CIB4: variants seen among roughly 807,000 people sequenced by gnomAD.
The protein encoded by CIB4 is calcium and integrin-binding family member 4.
In CIB4, 25 loss-of-function variants were observed where a neutral mutation model predicts 25.8. The ratio of observed to expected loss-of-function variants is 0.97; its 90% CI spans 0.71 to 1.35. CIB4 has a LOEUF of 1.35. CIB4 is among the 40% of genes most tolerant of loss of function. CIB4 has a pLI of 0.00. For missense variants in CIB4, 235 were observed against 228.2 expected (o/e 1.03, Z -0.19); for synonymous variants, 75 against 81.4 (o/e 0.92, Z 0.42).
chr2:26,612,049 A>G (rs1385774342), intron 3 of CIB4, among the ~76,000 whole-genome samples: 1 of 152,250 alleles, frequency 6.6e-6, no homozygotes, highest in Non-Finnish European at 1.5e-5. Flanking sequence ...AAAGCAAATT[A>G]AAAAAGAAAG....
At chr2:26,596,269 G>C (rs1358830113) in intron 3 of CIB4, among the ~76,000 whole-genome samples, 4 of 152,154 alleles carry the variant, frequency 2.6e-5, no homozygotes, top group African/African-American at 7.2e-5. Context: ...ACTCATCGAG[G>C]GGGGTGGCTG....
intron 3 of CIB4, among the ~76,000 whole-genome samples, chr2:26,602,848 A>C (rs12105904): frequency 0.022 from 3,383 of 152,224 alleles, 136 homozygotes; most frequent in African/African-American, 0.077. Context: ...TCACTTGAGG[A>C]CAGGCATTCG....
chr2:26,638,319 G>A (rs1669571699), intron 2 of CIB4, among the ~76,000 whole-genome samples: 1 of 152,186 alleles, frequency 6.6e-6, no homozygotes, highest in South Asian at 2.1e-4. Flanking sequence ...GGATCTGGGA[G>A]GAGGTCGTCT....
chr2:26,593,402 A>G (rs952450902), intron 4 of CIB4, among the ~76,000 whole-genome samples: 2 of 150,014 alleles, frequency 1.3e-5, no homozygotes, highest in Non-Finnish European at 3.0e-5. Context: ...ACATATATAC[A>G]CACACATATA....
chr2:26,592,339 T>C (rs1165643405), intron 4 of CIB4, among the ~76,000 whole-genome samples: 1 of 152,192 alleles, frequency 6.6e-6, no homozygotes, highest in Non-Finnish European at 1.5e-5. Context: ...ACTCCCTGGA[T>C]GCATTGGGAT....
intron 3 of CIB4, among the ~76,000 whole-genome samples, chr2:26,613,089 C>A (rs1382538433): frequency 6.6e-6 from 1 of 152,192 alleles, no homozygotes; most frequent in African/African-American, 2.4e-5. Context: ...CATTCATCAT[C>A]TCTCCTCCTC....
chr2:26,635,773 C>T (rs1232833341), intron 2 of CIB4, among the ~76,000 whole-genome samples: 1 of 152,198 alleles, frequency 6.6e-6, no homozygotes, highest in African/African-American at 2.4e-5. Context: ...AACCTATTAT[C>T]AGTTTCTGTG....
rs772782159 is a variant in CIB4, at chr2:26,595,293, A to G, written c.211T>C (p.Cys71Arg). 12 of 1,614,008 alleles carry G rather than the reference A, an allele frequency of 7.4e-6. No individual in the cohort carries two copies. The highest frequency in any genetic ancestry group is 1.0e-5 in the Non-Finnish European group (12 of 1,179,894). ...LRVNPFRDRI[C>R]RVFSHKGMFS... is the part of the protein sequence containing the mutation. ...ATGCCTTTGTGGGAGAACACTCTGCAGATACGGTCTCTGAAAGGGTTGACC... is the reference window on the plus strand; with the variant it reads ...ATGCCTTTGTGGGAGAACACTCTGCGGATACGGTCTCTGAAAGGGTTGACC... The change falls in exon 4 of 7, where the codon TGC (cysteine) becomes CGC (arginine). Residue 71 changes from cysteine to arginine, a missense_variant. Cys to Arg is a radical substitution (Grantham distance 180). Transcript: ENST00000288861.
At chr2:26,623,124 G>C (rs1470294092) in intron 3 of CIB4, among the ~76,000 whole-genome samples, 2 of 152,004 alleles carry the variant, frequency 1.3e-5, no homozygotes, top group Admixed American at 1.3e-4. Flanking sequence ...CAGGAGAATT[G>C]CTTAAACCCA....
intron 3 of CIB4, among the ~76,000 whole-genome samples, chr2:26,603,002 C>A (rs1309744079): frequency 7.8e-6 from 1 of 128,450 alleles, no homozygotes; most frequent in Non-Finnish European, 1.5e-5. Flanking sequence ...CTGCAGTGAT[C>A]TATGATCGCT....
At chr2:26,584,617 A>G (rs1668415534) in intron 4 of CIB4, among the ~76,000 whole-genome samples, 1 of 152,244 alleles carries the variant, frequency 6.6e-6, no homozygotes, top group Non-Finnish European at 1.5e-5. Context: ...AATGGAGTCC[A>G]GAATTGGGCA....
At chr2:26,613,202 A>G (rs1320894309) in intron 3 of CIB4, among the ~76,000 whole-genome samples, 1 of 151,964 alleles carries the variant, frequency 6.6e-6, no homozygotes, top group African/African-American at 2.4e-5. Context: ...CTTTCTCTCG[A>G]CTGAGCCTCC....
intron 3 of CIB4, among the ~76,000 whole-genome samples, chr2:26,614,326 C>T (rs1020224717): frequency 2.6e-5 from 4 of 152,142 alleles, no homozygotes; most frequent in African/African-American, 7.2e-5. Flanking sequence ...GGACTGTGGC[C>T]GAGGGACTGG....
At chr2:26,628,611 G>A (rs561207616) in intron 3 of CIB4, among the ~76,000 whole-genome samples, 7 of 152,222 alleles carry the variant, frequency 4.6e-5, no homozygotes, top group Non-Finnish European at 1.0e-4. Flanking sequence ...TGAATTGAGG[G>A]CGAGTTGAGG....
At chr2:26,620,932 A>C (rs1002725119) in intron 3 of CIB4, among the ~76,000 whole-genome samples, 19 of 152,186 alleles carry the variant, frequency 1.2e-4, no homozygotes, top group African/African-American at 4.6e-4. Context: ...AGTTGAAGAT[A>C]AAGTGGAGGA....
At chr2:26,615,858 T>C (rs1353782077) in intron 3 of CIB4, among the ~76,000 whole-genome samples, 2 of 152,228 alleles carry the variant, frequency 1.3e-5, no homozygotes, top group Admixed American at 6.5e-5. Flanking sequence ...TAAATAAGGA[T>C]TTTTGCCAAT....
chr2:26,637,123 T>C (rs771944219), intron 2 of CIB4, among the ~76,000 whole-genome samples: 1 of 152,210 alleles, frequency 6.6e-6, no homozygotes, highest in Admixed American at 6.5e-5. Context: ...TTAGCTCCTG[T>C]CTTCCGCTGG....
At chr2:26,613,884 C>A (rs1669043515) in intron 3 of CIB4, among the ~76,000 whole-genome samples, 1 of 152,206 alleles carries the variant, frequency 6.6e-6, no homozygotes, top group Non-Finnish European at 1.5e-5. Context: ...GTGAATGTGT[C>A]CCCGCATCTC....
intron 2 of CIB4, among the ~76,000 whole-genome samples, chr2:26,630,444 T>C (rs1669395353): frequency 6.6e-6 from 1 of 152,184 alleles, no homozygotes; most frequent in East Asian, 1.9e-4. Context: ...TTCTGAACTT[T>C]AGTTTCATCA....
Sources: gnomAD v4.1 joint callset for allele counts (sites outside exome capture counted in the v4.1 genomes callset) on GRCh38, gnomAD v4.1.1 for gene constraint, MANE v1.5 for transcripts, NCBI Gene and HGNC (gene_info 2026-07-23, HGNC 2026-07-21) for gene names.